PLXNA4: variants seen among roughly 807,000 people sequenced by gnomAD.
PLXNA4 encodes plexin-A4.
PLXNA4 carries 44 observed loss-of-function variants against 191.8 expected under a neutral mutation model. The ratio of observed to expected loss-of-function variants is 0.23; its 90% CI spans 0.18 to 0.29. PLXNA4 has a LOEUF of 0.29. PLXNA4 is among the 10% of genes least tolerant of loss of function. PLXNA4 has a pLI of 1.00. For synonymous variants in PLXNA4, 1,082 were observed against 1,009.5 expected (o/e 1.07, Z -1.36); for missense variants, 1,800 against 2,488.8 (o/e 0.72, Z 5.89).
intron 2 of PLXNA4, among the ~76,000 whole-genome samples, chr7:132,593,555 G>A (rs2116829806): frequency 6.6e-6 from 1 of 152,320 alleles, no homozygotes; most frequent in East Asian, 1.9e-4. Flanking sequence ...CTCAGGAGAA[G>A]GCCCCATGAG....
intron 24 of PLXNA4, 74 bp downstream of exon 24, chr7:132,164,068 C>T: frequency 1.9e-6 from 3 of 1,589,268 alleles, no homozygotes; most frequent in Non-Finnish European, 2.6e-6. Context: ...CAGCCATCTC[C>T]ACTGCTGAGC....
chr7:132,333,689 G>A (rs1443360202), intron 3 of PLXNA4, among the ~76,000 whole-genome samples: 1 of 152,196 alleles, frequency 6.6e-6, no homozygotes, highest in Non-Finnish European at 1.5e-5. Flanking sequence ...GCAAGGCTTG[G>A]GGCACCCCAA....
chr7:132,215,246 C>A (rs1235797378), intron 9 of PLXNA4, among the ~76,000 whole-genome samples: 3 of 152,192 alleles, frequency 2.0e-5, no homozygotes, highest in African/African-American at 7.2e-5. Context: ...CAGCAGCCTC[C>A]ACTTCTGGGA....
At chr7:132,384,079 T>G in intron 3 of PLXNA4, 1 of 985,454 alleles carries the variant, frequency 1.0e-6, no homozygotes, top group Non-Finnish European at 1.2e-6. Context: ...TCTCCAGCTT[T>G]GGGACTCACT....
chr7:132,643,252 T>A lies in PLXNA4; in HGVS notation c.-87+2676A>T, dbSNP rs373136730. 6.4e-4 allele frequency among the ~76,000 whole-genome samples: 97 copies of A among 152,312 alleles called. 1 individual carries two copies. The highest frequency in any genetic ancestry group is 2.3e-3 in the African/African-American group (97 of 41,580). ...GATCCTGTCTGTCTGGTATTGTTTT[T>A]CTGCTGTTTCACACAGAGATGCTCT... On this transcript the variant is annotated intron_variant, in intron 2 of 4. Coordinates refer to the PLXNA4 transcript ENST00000378539.
At chr7:132,438,121 T>G (rs925931368) in intron 3 of PLXNA4, among the ~76,000 whole-genome samples, 3 of 152,208 alleles carry the variant, frequency 2.0e-5, no homozygotes, top group African/African-American at 7.2e-5. Flanking sequence ...TACAGGTGTA[T>G]AAGCATGTGT....
rs1428537805 is a variant in PLXNA4, at chr7:132,227,469, G to A, written c.1864C>T (p.Arg622Trp). The change falls in exon 7 of 32, where the codon CGG becomes TGG. Residue 622 changes from arginine (R) to tryptophan (W), a missense_variant. Arg to Trp is a moderately radical substitution (Grantham distance 101). Around this residue, in one of 6 missense-constraint regions of PLXNA4, gnomAD observed 1,397 missense variants for 1,880.4 expected, o/e 0.74. Coordinates refer to ENST00000321063, the MANE Select transcript of PLXNA4 (RefSeq NM_020911.2). ...TGCTCACCATTCTCTGTGATGATCC[G>A]GGGCACCTCCTTGGCTGCAGGGGAG... ...CYSPAAKEVP[R>W]IITENGDHHV... The A allele has an allele frequency of 5.0e-6, 8 of 1,614,118 alleles. No individual in the cohort carries two copies. The highest frequency in any genetic ancestry group is 1.7e-5 in the Admixed American group (1 of 60,018).
intron 2 of PLXNA4, among the ~76,000 whole-genome samples, chr7:132,629,206 G>C (rs1803444534): frequency 6.6e-6 from 1 of 152,182 alleles, no homozygotes; most frequent in Non-Finnish European, 1.5e-5. Flanking sequence ...ATTCCAGGAA[G>C]CTGAATGGAA....
chr7:132,391,343 G>A (rs970929388), intron 3 of PLXNA4, among the ~76,000 whole-genome samples: 6 of 152,238 alleles, frequency 3.9e-5, no homozygotes, highest in African/African-American at 1.4e-4. Context: ...GGCAAAGCAT[G>A]TTGAAGAAGA....
At chr7:132,440,340 A>G (rs577193474) in intron 3 of PLXNA4, among the ~76,000 whole-genome samples, 29 of 152,254 alleles carry the variant, frequency 1.9e-4, no homozygotes, top group African/African-American at 7.0e-4. Context: ...ACGACACGCA[A>G]CCAGCAACTT....
intron 2 of PLXNA4, among the ~76,000 whole-genome samples, chr7:132,634,859 T>C (rs912706761): frequency 6.6e-6 from 1 of 152,122 alleles, no homozygotes; most frequent in Non-Finnish European, 1.5e-5. Context: ...TGTGAGGGTG[T>C]TGCCAAAGGA....
intron 2 of PLXNA4, among the ~76,000 whole-genome samples, chr7:132,621,092 A>T (rs1803251954): frequency 6.6e-6 from 1 of 152,060 alleles, no homozygotes; most frequent in Non-Finnish European, 1.5e-5. Flanking sequence ...ATACCATCAC[A>T]CTAGGGCTTC....
At position 132,225,150 on chromosome 7, in the gene PLXNA4, GA is replaced by G. The variant is rs376771893; in HGVS notation, c.1982+1010del. Among the ~76,000 whole-genome samples, 769 of 151,750 alleles carry G rather than the reference GA, an allele frequency of 5.1e-3. 4 individuals carry two copies. The highest frequency in any genetic ancestry group is 0.018 in the African/African-American group (725 of 41,398). ...CAGTTTAAGATTTCTATGGTGAGAAGAAAAAAAAGGCTGGCCCATTCACAAC... is the reference window on the plus strand; with the variant it reads ...CAGTTTAAGATTTCTATGGTGAGAAGAAAAAAAGGCTGGCCCATTCACAAC... On this transcript the variant is annotated intron_variant, in intron 8 of 31. Coordinates refer to ENST00000321063, the MANE Select transcript of PLXNA4 (RefSeq NM_020911.2).
At chr7:132,633,618 TCTA>T (rs1169657238) in intron 2 of PLXNA4, among the ~76,000 whole-genome samples, 7 of 152,170 alleles carry the variant, frequency 4.6e-5, no homozygotes, top group African/African-American at 1.2e-4. Context: ...CCTTTCTCAG[TCTA>T]CTGTGTCATC....
intron 3 of PLXNA4, among the ~76,000 whole-genome samples, chr7:132,356,505 G>A (rs138359455): frequency 0.011 from 1,651 of 152,242 alleles, 32 homozygotes; most frequent in African/African-American, 0.038. Flanking sequence ...AAAAAACAGC[G>A]CCACATAAGG....
Position 132,640,696 on chromosome 7 carries a change from C to G in PLXNA4, c.-87+5232G>C, listed in dbSNP as rs1356056021. ...ATCTGCAGTATTTTGTTATGGCAGC[C>G]CAAGCTGACCAATACACCATGTTTC... On this transcript the variant is annotated intron_variant, in intron 2 of 4. Coordinates refer to the PLXNA4 transcript ENST00000378539. 1.2e-4 allele frequency among the ~76,000 whole-genome samples: 18 copies of G among 151,944 alleles called. No homozygotes were observed. In the South Asian group the frequency reaches 3.7e-3, roughly 32 times the overall value.
At chr7:132,201,883 G>C (rs1180578425) in intron 12 of PLXNA4, among the ~76,000 whole-genome samples, 6 of 152,172 alleles carry the variant, frequency 3.9e-5, no homozygotes, top group Admixed American at 3.3e-4. Context: ...AGGCTGGTGA[G>C]ATCCCCATGA....
chr7:132,374,780 T>C (rs887606827), intron 3 of PLXNA4, among the ~76,000 whole-genome samples: 1 of 152,180 alleles, frequency 6.6e-6, no homozygotes, highest in East Asian at 1.9e-4. Context: ...ACAGAGAGCA[T>C]ATAATTTTTA....
chr7:132,262,693 A>G (rs1348362118), intron 4 of PLXNA4, among the ~76,000 whole-genome samples: 2 of 152,174 alleles, frequency 1.3e-5, no homozygotes, highest in African/African-American at 4.8e-5. Flanking sequence ...CCTTGCGTGC[A>G]CTAAGGAGAG....
Sources: gnomAD v4.1 joint callset for allele counts (sites outside exome capture counted in the v4.1 genomes callset) on GRCh38, gnomAD v4.1.1 for gene constraint, gnomAD v4.1.1 regional missense constraint, MANE v1.5 for transcripts, NCBI Gene and HGNC (gene_info 2026-07-23, HGNC 2026-07-21) for gene names.